SAE1: variants seen among roughly 807,000 people sequenced by gnomAD.
The protein encoded by SAE1 is SUMO1 activating enzyme subunit 1.
A neutral mutation model predicts 40.6 loss-of-function variants in SAE1; 11 were observed. The ratio of observed to expected loss-of-function variants is 0.27; its 90% CI spans 0.17 to 0.45. SAE1 has a LOEUF of 0.45. SAE1 is among the 20% of genes least tolerant of loss of function. The pLI is 1.00. For synonymous variants in SAE1, 155 were observed against 154.3 expected (o/e 1.00, Z -0.03); for missense variants, 373 against 427.3 (o/e 0.87, Z 1.12).
chr19:47,203,797 CAG>C, intron 8 of SAE1, 57 bp downstream of exon 8: 2 of 1,446,474 alleles, frequency 1.4e-6, no homozygotes, highest in Non-Finnish European at 9.7e-7. Flanking sequence ...TATGTGCTGA[CAG>C]AGAGAATGGA....
chr19:47,199,000 A>G (rs1336771038), intron 7 of SAE1, among the ~76,000 whole-genome samples: 1 of 152,188 alleles, frequency 6.6e-6, no homozygotes, highest in Non-Finnish European at 1.5e-5. Flanking sequence ...AGGCTAGAGC[A>G]TCGCTTGAGC....
intron 5 of SAE1, among the ~76,000 whole-genome samples, chr19:47,169,096 C>A (rs2058414590): frequency 6.6e-6 from 1 of 152,144 alleles, no homozygotes. Flanking sequence ...TGTCATCCAT[C>A]ATCATTATAC....
chr19:47,163,785 T>C (rs2058373104), intron 5 of SAE1, among the ~76,000 whole-genome samples: 1 of 152,174 alleles, frequency 6.6e-6, no homozygotes, highest in African/African-American at 2.4e-5. Context: ...ATGCAAGTAC[T>C]GTGCCATTTA....
In SAE1 at chr19:47,197,373, G is replaced by A. The variant is rs570294495; in HGVS notation, c.874G>A (p.Val292Ile). 3.8e-5 allele frequency: 62 copies of A among 1,612,234 alleles called. No individual in the cohort carries two copies. In the South Asian group the frequency reaches 6.6e-4, roughly 17 times the overall value. ...ISPDLLPEDF[V>I]RYCFSEMAPV... ...TCCTGACCTGCTTCCTGAGGACTTTGTCAGGTTGGTGTCAGTATTTATCAC... is the reference window on the plus strand; with the variant it reads ...TCCTGACCTGCTTCCTGAGGACTTTATCAGGTTGGTGTCAGTATTTATCAC... The change falls in exon 7 of 9, where the codon GTC becomes ATC. Residue 292 changes from valine (V) to isoleucine (I), a missense_variant. Val to Ile is a conservative substitution (Grantham distance 29). Transcript: ENST00000270225.
intron 2 of SAE1, 94 bp from the exon 3 acceptor site, chr19:47,150,108 G>A (rs2058278607): frequency 3.6e-6 from 3 of 830,074 alleles, no homozygotes; most frequent in Admixed American, 3.4e-5. Context: ...TAGGTGGTAG[G>A]TATTTTAGCT....
At chr19:47,163,985 T>C (rs2058374323) in intron 5 of SAE1, among the ~76,000 whole-genome samples, 1 of 151,602 alleles carries the variant, frequency 6.6e-6, no homozygotes, top group Non-Finnish European at 1.5e-5. Flanking sequence ...GCCAGGCTGG[T>C]CTCGAACTCC....
chr19:47,148,921 A>G (rs954142073), intron 2 of SAE1, among the ~76,000 whole-genome samples: 6 of 150,466 alleles, frequency 4.0e-5, no homozygotes, highest in African/African-American at 1.2e-4. Flanking sequence ...GCCATAGTCT[A>G]TCTATGTTTT....
chr19:47,171,919 T>A (rs1384008040), intron 6 of SAE1, among the ~76,000 whole-genome samples: 1 of 151,530 alleles, frequency 6.6e-6, no homozygotes, highest in East Asian at 2.0e-4. Flanking sequence ...TTTAATGTTA[T>A]TTATGCATTT....
intron 6 of SAE1, among the ~76,000 whole-genome samples, chr19:47,181,142 C>T (rs1040047136): frequency 2.6e-5 from 4 of 151,976 alleles, no homozygotes; most frequent in African/African-American, 7.3e-5. Flanking sequence ...CATGGAGAAA[C>T]CCCATCTCTA....
At chr19:47,152,819 A>G (rs186552162) in intron 3 of SAE1, 79 bp from the exon 4 acceptor site, 8 of 1,390,202 alleles carry the variant, frequency 5.8e-6, no homozygotes, top group East Asian at 4.6e-5. Context: ...GAGACTGTTC[A>G]TTAAGATTTA....
In SAE1 at chr19:47,197,420, GT is replaced by G. The variant is rs141049880; in HGVS notation, c.878+46del. 0.015 allele frequency: 23,798 copies of G among 1,548,702 alleles called. 1,343 individuals carry two copies. The East Asian group carries it at 0.2, about 13-fold the overall frequency. On this transcript the variant is annotated intron_variant, in intron 7 of 8. Coordinates refer to ENST00000270225, the MANE Select transcript of SAE1 (RefSeq NM_005500.3). ...TCACTGTTTAGTCTGGACAGATAAA[GT>G]TTGTTTTCAGGATTTGCCTTAATTT...
intron 1 of SAE1, among the ~76,000 whole-genome samples, chr19:47,140,154 T>C (rs1393420869): frequency 2.0e-5 from 3 of 150,764 alleles, no homozygotes; most frequent in Admixed American, 1.3e-4. Context: ...TTGCCCAGGA[T>C]GGAATGCAGT....
chr19:47,206,531 A>G (rs1009990209), intron 8 of SAE1, among the ~76,000 whole-genome samples: 5 of 152,066 alleles, frequency 3.3e-5, no homozygotes, highest in Non-Finnish European at 5.9e-5. Flanking sequence ...TTTTATATCC[A>G]TGTCTACTTC....
intron 7 of SAE1, among the ~76,000 whole-genome samples, chr19:47,202,856 G>A (rs898823611): frequency 2.0e-5 from 3 of 152,228 alleles, no homozygotes; most frequent in South Asian, 4.2e-4. Context: ...CTTGCAGTAA[G>A]CCAAGATCGC....
rs955766736 is a variant in SAE1, at chr19:47,130,857, C to A, written c.-74C>A. 1 of 1,542,286 alleles carries A rather than the reference C, an allele frequency of 6.5e-7. No individual in the cohort carries two copies. Among genetic ancestry groups the A allele is most frequent in the East Asian group, 2.5e-5 (1 of 40,548 alleles). ...AGCACTCCGGGCGTGCTGCCGGCGGCGGTAGGTGGCGCGCGGGTCCGGCGG... is the reference window on the plus strand; with the variant it reads ...AGCACTCCGGGCGTGCTGCCGGCGGAGGTAGGTGGCGCGCGGGTCCGGCGG... On this transcript the variant is annotated 5_prime_UTR_variant, in exon 1 of 9. Coordinates refer to ENST00000270225, the MANE Select transcript of SAE1 (RefSeq NM_005500.3).
intron 6 of SAE1, among the ~76,000 whole-genome samples, chr19:47,173,346 T>C (rs2058447205): frequency 6.6e-6 from 1 of 151,822 alleles, no homozygotes; most frequent in Non-Finnish European, 1.5e-5. Context: ...ACAGAAGTCA[T>C]ATAGCTACTG....
Position 47,201,360 on chromosome 19 carries a change from C to CTTTTTTTTTTTTTTTTTTTTT in SAE1, c.879-2302_879-2282dup, listed in dbSNP as rs57568797. ...CTGCACCTGGCCTGTTATCTGGTTC[C>CTTTTTTTTTTTTTTTTTTTTT]TTTTTTTTTTTTTTTTTTTTTTTTT... On this transcript the variant is annotated intron_variant, in intron 7 of 8. Coordinates refer to ENST00000270225, the MANE Select transcript of SAE1 (RefSeq NM_005500.3). Among the ~76,000 whole-genome samples, 5 of 66,228 alleles carry CTTTTTTTTTTTTTTTTTTTTT rather than the reference C, an allele frequency of 7.5e-5. 2 individuals are homozygous for CTTTTTTTTTTTTTTTTTTTTT. The highest frequency in any genetic ancestry group is 3.3e-4 in the African/African-American group (5 of 15,056). The allele number at this position is 66,228 out of a possible 152,430, so 43.4% of individuals were successfully genotyped here.
chr19:47,173,988 G>C (rs560848121), intron 6 of SAE1, among the ~76,000 whole-genome samples: 1 of 151,846 alleles, frequency 6.6e-6, no homozygotes, highest in African/African-American at 2.4e-5. Context: ...GTTTCACCGC[G>C]TTAGCCAGGA....
chr19:47,149,449 G>A (rs2058274066), intron 2 of SAE1, among the ~76,000 whole-genome samples: 2 of 152,072 alleles, frequency 1.3e-5, no homozygotes, highest in Admixed American at 6.6e-5. Context: ...GGGATTACAG[G>A]TGTGAGCCAC....
Sources: allele counts gnomAD v4.1 joint callset (sites outside exome capture counted in the v4.1 genomes callset), GRCh38; gene constraint gnomAD v4.1.1; transcripts MANE v1.5; gene names NCBI Gene and HGNC (gene_info 2026-07-23, HGNC 2026-07-21).